Variants in DEDD2 observed in about 807,000 individuals in gnomAD.
DEDD2 encodes the protein death effector domain containing 2, also known as DNA-binding death effector domain-containing protein 2.
Under a neutral mutation model 28.9 loss-of-function variants are expected in DEDD2, and 18 were observed. The observed-to-expected ratio is 0.62, with a 90% CI of 0.43 to 0.92. DEDD2 has a LOEUF of 0.92. Among genes scored for constraint, DEDD2 ranks in the 40% least tolerant of loss-of-function variants. DEDD2 has a pLI of 0.00. For missense variants in DEDD2, 411 were observed against 463.3 expected, an observed-to-expected ratio of 0.89 and a Z score of 1.04; for synonymous variants, 211 against 206.1, an observed-to-expected ratio of 1.02 and a Z score of -0.20.
chr19:42,209,831 G>C lies in DEDD2; in HGVS notation c.458C>G (p.Pro153Arg), dbSNP rs775992642. The change falls in exon 4 of 5, where the codon CCA becomes CGA. Residue 153 changes from proline (P) to arginine (R), a missense_variant. By Grantham distance (103) the Pro-to-Arg change is moderately radical. Around this residue, in one of 2 missense-constraint regions of DEDD2, gnomAD observed 282 missense variants for 273.4 expected, o/e 1.03. Coordinates refer to ENST00000596251, the MANE Select transcript of DEDD2 (RefSeq NM_133328.4). Reference sequence around the variant, plus strand: ...CCGACTCCGCCGCTGCCGCTTGGTTGGGGGGGAGCCTGAGGGGAAAAAAAT... The same window carrying C: ...CCGACTCCGCCGCTGCCGCTTGGTTCGGGGGGAGCCTGAGGGGAAAAAAAT... ...QQGQWETGSP[P>R]TKRQRRSRGR... The C allele has an allele frequency of 7.4e-5, 113 of 1,534,766 alleles. No individual in the cohort carries two copies. Among genetic ancestry groups the C allele is most frequent in the South Asian group, 1.3e-4 (11 of 82,118 alleles).
intron 4 of DEDD2, among the ~76,000 whole-genome samples, chr19:42,204,764 G>A (rs961868319): frequency 2.5e-4 from 15 of 60,276 alleles, no homozygotes; most frequent in African/African-American, 8.2e-4. Flanking sequence ...CCCCCGCCCC[G>A]CCCCCACACC....
At chr19:42,212,984 T>C (rs2035828136) in intron 3 of DEDD2, among the ~76,000 whole-genome samples, 1 of 152,204 alleles carries the variant, frequency 6.6e-6, no homozygotes, top group South Asian at 2.1e-4. Context: ...TAGAACAATA[T>C]ACACACTCAA....
chr19:42,216,550 G>A (rs1382289443), intron 2 of DEDD2, 130 bp downstream of exon 2: 10 of 940,552 alleles, frequency 1.1e-5, no homozygotes, highest in Admixed American at 6.4e-5. Context: ...GATATTGTGG[G>A]AAGAGAGAGT....
At chr19:42,203,898 G>A (rs1352211393) in intron 4 of DEDD2, among the ~76,000 whole-genome samples, 2 of 152,246 alleles carry the variant, frequency 1.3e-5, no homozygotes, top group Non-Finnish European at 2.9e-5. Flanking sequence ...GTGGCCCTGA[G>A]GTGGCAGGCA....
chr19:42,198,633 G>T lies in DEDD2; in HGVS notation c.*805C>A, dbSNP rs1412199137. On this transcript the variant is annotated 3_prime_UTR_variant, in exon 5 of 5. Transcript: ENST00000596251. ...TGCCCTTTCCAGGGCAGTTTAATTG[G>T]TATCATTTGTAAAAGGTCTTTTCCA... The T allele has an allele frequency of 6.6e-6, 1 of 152,242 alleles. No individual in the cohort carries two copies. Among genetic ancestry groups the T allele is most frequent in the African/African-American group, 2.4e-5 (1 of 41,446 alleles). The allele number at this position is 152,242 out of a possible 1,614,324, so 9.4% of individuals were successfully genotyped here.
chr19:42,209,246 A>G (rs1002580661), intron 4 of DEDD2, among the ~76,000 whole-genome samples: 4 of 152,154 alleles, frequency 2.6e-5, no homozygotes, highest in Admixed American at 2.6e-4. Context: ...GTCTCAAAAA[A>G]AAAAGAAAAG....
chr19:42,203,887 T>C (rs538748914), intron 4 of DEDD2, among the ~76,000 whole-genome samples: 87 of 152,298 alleles, frequency 5.7e-4, no homozygotes, highest in Non-Finnish European at 1.0e-3. Flanking sequence ...AACTGTCCAG[T>C]GTGGCCCTGA....
chr19:42,213,771 G>A (rs1312046491), intron 3 of DEDD2, among the ~76,000 whole-genome samples: 4 of 151,922 alleles, frequency 2.6e-5, no homozygotes, highest in African/African-American at 7.3e-5. Flanking sequence ...AAAAGAAAAA[G>A]GTATGGGGTG....
chr19:42,213,785 G>A (rs1386186681), intron 3 of DEDD2, among the ~76,000 whole-genome samples: 1 of 144,656 alleles, frequency 6.9e-6, no homozygotes, highest in Non-Finnish European at 1.5e-5. Context: ...TGGGGTGTAG[G>A]GGCAGTTTCT....
chr19:42,199,393 G>T lies in DEDD2; in HGVS notation c.*45C>A, dbSNP rs940214177. 8 of 1,510,734 alleles carry T rather than the reference G, an allele frequency of 5.3e-6. No individual in the cohort carries two copies. In the Admixed American group the frequency reaches 6.6e-5, roughly 12 times the overall value. The allele number at this position is 1,510,734 out of a possible 1,614,324, so 93.6% of individuals were successfully genotyped here. The stretch of plus-strand genomic sequence containing the variant: ...GAGATGGTCGTCCTCCCAGGAGAAG[G>T]TGGCCCGGAGACTTGGAGGTGGGAT... On this transcript the variant is annotated 3_prime_UTR_variant, in exon 5 of 5. Coordinates refer to ENST00000596251, the MANE Select transcript of DEDD2 (RefSeq NM_133328.4). This position sits in a 1 kb window ranked among gnomAD's most constrained non-coding sequence, Gnocchi z 7.4.
At chr19:42,202,826 T>C (rs1243694015) in intron 4 of DEDD2, among the ~76,000 whole-genome samples, 2 of 152,176 alleles carry the variant, frequency 1.3e-5, no homozygotes, top group Non-Finnish European at 2.9e-5. Flanking sequence ...ATGATCATGG[T>C]GCACAGGGAA....
intron 3 of DEDD2, among the ~76,000 whole-genome samples, chr19:42,212,867 A>C (rs2035824138): frequency 6.6e-6 from 1 of 152,138 alleles, no homozygotes; most frequent in South Asian, 2.1e-4. Flanking sequence ...ACAAAGCACT[A>C]AGATTACAGG....
At chr19:42,215,646 G>A (rs2035938177) in intron 2 of DEDD2, among the ~76,000 whole-genome samples, 1 of 152,152 alleles carries the variant, frequency 6.6e-6, no homozygotes, top group Non-Finnish European at 1.5e-5. Context: ...AATGCTGTCA[G>A]CTCTTCCCTA....
In DEDD2 at chr19:42,199,993, A is replaced by G. The variant is rs2035268068; in HGVS notation, c.590-164T>C. Among the ~76,000 whole-genome samples the G allele has an allele frequency of 1.3e-5, 2 of 152,018 alleles. No individual in the cohort carries two copies. Among genetic ancestry groups the G allele is most frequent in the African/African-American group, 4.8e-5 (2 of 41,384 alleles). On this transcript the variant is annotated intron_variant, in intron 4 of 4. Transcript: ENST00000596251. The surrounding 1 kb of genome is among the most constrained non-coding windows in gnomAD (Gnocchi z 7.4). Reference sequence around the variant, plus strand: ...GCTCTGTGGGGTTCCCTGACCAAGTACGTCCTCCTCTTCTCCAGCCCACCA... The same window carrying G: ...GCTCTGTGGGGTTCCCTGACCAAGTGCGTCCTCCTCTTCTCCAGCCCACCA...
At chr19:42,210,297 A>G (rs544273425) in intron 3 of DEDD2, among the ~76,000 whole-genome samples, 3 of 152,302 alleles carry the variant, frequency 2.0e-5, no homozygotes, top group Non-Finnish European at 4.4e-5. Flanking sequence ...AAGATTATAT[A>G]TATCTGCAAA....
rs530266835 is a variant in DEDD2, at chr19:42,199,699, G to A, written c.720C>T (p.Arg240=). ...DVFGQATAVL[R]SRDLGSVVCD... ...AAACCACAGAGCCCAGGTCCCTTGA[G>A]CGCAGCACTGCGGTGGCCTGCCCAA... The change falls in exon 5 of 5, where the codon CGC becomes CGT. Residue 240 remains arginine (R), a synonymous_variant. Transcript: ENST00000596251. This position sits in a 1 kb window ranked among gnomAD's most constrained non-coding sequence, Gnocchi z 7.4. 2 of 1,614,124 alleles carry A rather than the reference G, an allele frequency of 1.2e-6. No individual in the cohort carries two copies. The highest frequency in any genetic ancestry group is 8.5e-7 in the Non-Finnish European group (1 of 1,179,968).
At chr19:42,216,596 G>T in intron 2 of DEDD2, 84 bp downstream of exon 2, 1 of 1,358,106 alleles carries the variant, frequency 7.4e-7, no homozygotes, top group African/African-American at 1.5e-5. Context: ...ATATGGCACT[G>T]TCCGTATCAG....
At position 42,206,434 on chromosome 19, in the gene DEDD2, C is replaced by T. The variant is rs374505450; in HGVS notation, c.589+3266G>A. Among the ~76,000 whole-genome samples, 38 of 152,288 alleles carry T rather than the reference C, an allele frequency of 2.5e-4. 1 individual carries two copies. Among genetic ancestry groups the T allele is most frequent in the Admixed American group, 2.1e-3 (32 of 15,290 alleles). ...TCAATGAGGGCAAGGTCTCCCACCC[C>T]GGCTGACCTAGCATATAGTAAATAC... On this transcript the variant is annotated intron_variant, in intron 4 of 4. Coordinates refer to ENST00000596251, the MANE Select transcript of DEDD2 (RefSeq NM_133328.4).
In DEDD2 at chr19:42,200,822, G is replaced by A. The variant is rs1036315790; in HGVS notation, c.590-993C>T. On this transcript the variant is annotated intron_variant, in intron 4 of 4. Transcript: ENST00000596251. Reference sequence around the variant, plus strand: ...CTGTCACAACTCTCCCCACATCTGCGCAAAAGAGGTGGCAGCTGTGTACAG... The same window carrying A: ...CTGTCACAACTCTCCCCACATCTGCACAAAAGAGGTGGCAGCTGTGTACAG... 7.2e-5 allele frequency among the ~76,000 whole-genome samples: 11 copies of A among 152,150 alleles called. No homozygotes were observed. The East Asian group carries it at 9.6e-4, about 13-fold the overall frequency.
Sources: allele counts gnomAD v4.1 joint callset (sites outside exome capture counted in the v4.1 genomes callset), GRCh38; gene constraint gnomAD v4.1.1; regional missense constraint gnomAD v4.1.1; non-coding constraint Gnocchi (gnomAD v3.1); transcripts MANE v1.5; gene names NCBI Gene and HGNC (gene_info 2026-07-23, HGNC 2026-07-21).